The following CHD9 variants were observed in gnomAD, a reference collection of about 807,000 sequenced individuals.
CHD9 encodes the protein chromodomain helicase DNA binding protein 9, also known as ATP-dependent chromatin remodeler CHD9.
A neutral mutation model predicts 316.1 loss-of-function variants in CHD9; 77 were observed. The observed-to-expected ratio is 0.24, with a 90% CI of 0.20 to 0.29. CHD9 has a LOEUF of 0.29. Among genes scored for constraint, CHD9 ranks in the 10% least tolerant of loss-of-function variants. CHD9 has a pLI of 1.00. For missense variants in CHD9, 2,763 were observed against 3,438.1 expected, an observed-to-expected ratio of 0.80 and a Z score of 4.91; for synonymous variants, 1,129 against 1,158.3, an observed-to-expected ratio of 0.97 and a Z score of 0.51.
chr16:53,270,296 T>A (rs540372169), intron 22 of CHD9, among the ~76,000 whole-genome samples: 1 of 151,962 alleles, frequency 6.6e-6, no homozygotes, highest in South Asian at 2.1e-4. Flanking sequence ...AGATCCTGAT[T>A]GAAACAAATA....
intron 20 of CHD9, among the ~76,000 whole-genome samples, chr16:53,265,987 T>G (rs1467207666): frequency 6.6e-6 from 1 of 151,286 alleles, no homozygotes; most frequent in Non-Finnish European, 1.5e-5. Flanking sequence ...TTTTTTTTTT[T>G]AAGGAAACTG....
intron 34 of CHD9, among the ~76,000 whole-genome samples, chr16:53,313,719 G>A (rs868023634): frequency 4.8e-5 from 7 of 146,584 alleles, no homozygotes; most frequent in Admixed American, 2.0e-4. Context: ...CCGAGGCCGA[G>A]GCCGGTGGAT....
intron 2 of CHD9, 149 bp from the exon 3 acceptor site, chr16:53,209,333 G>A (rs1260497524): frequency 1.7e-6 from 1 of 596,994 alleles, no homozygotes; most frequent in Non-Finnish European, 2.9e-6. Flanking sequence ...TTCTTGATAA[G>A]CAAAATGTTT....
At chr16:53,202,396 C>CT (rs536714439) in intron 2 of CHD9, among the ~76,000 whole-genome samples, 4,850 of 144,638 alleles carry the variant, frequency 0.034, 120 homozygotes, top group Non-Finnish European at 0.05. Context: ...CTCTCTCTCT[C>CT]TTTTTTTTTT....
At chr16:53,199,727 C>CTG (rs1329297852) in intron 2 of CHD9, among the ~76,000 whole-genome samples, 1 of 152,148 alleles carries the variant, frequency 6.6e-6, no homozygotes, top group Non-Finnish European at 1.5e-5. Flanking sequence ...TCTTAACCTA[C>CTG]TGTAGTGTGG....
At chr16:53,157,654 T>A in intron 2 of CHD9, 113 bp downstream of exon 2, 1 of 956,534 alleles carries the variant, frequency 1.0e-6, no homozygotes, top group Non-Finnish European at 1.6e-6. Flanking sequence ...GTAATTCCAT[T>A]AAGTGAACAT....
intron 17 of CHD9, 31 bp downstream of exon 17, chr16:53,250,097 C>G: frequency 6.5e-7 from 1 of 1,536,398 alleles, no homozygotes; most frequent in Non-Finnish European, 8.8e-7. Flanking sequence ...ACAAAAAATG[C>G]ATTTTTTAAA....
chr16:53,071,058 A>G (rs1185204591), intron 1 of CHD9, among the ~76,000 whole-genome samples: 1 of 152,168 alleles, frequency 6.6e-6, no homozygotes, highest in Non-Finnish European at 1.5e-5. Context: ...TAGCAATTAC[A>G]TTGACTCTGT....
intron 2 of CHD9, among the ~76,000 whole-genome samples, chr16:53,159,295 A>G (rs372746940): frequency 3.3e-5 from 5 of 152,156 alleles, no homozygotes; most frequent in East Asian, 1.9e-4. Context: ...GAAAATTTGT[A>G]TATGAAAAAA....
At chr16:53,256,381 CTTT>C (rs1163977563) in intron 19 of CHD9, among the ~76,000 whole-genome samples, 2 of 99,258 alleles carry the variant, frequency 2.0e-5, no homozygotes, top group Non-Finnish European at 2.0e-5. Context: ...TTTTTCTTTT[CTTT>C]TTTTTTTTTT....
intron 2 of CHD9, among the ~76,000 whole-genome samples, chr16:53,201,919 G>A (rs1597404667): frequency 6.6e-6 from 1 of 151,820 alleles, no homozygotes; most frequent in Admixed American, 6.6e-5. Context: ...GAGTACAGGG[G>A]CTAATCATAG....
At position 53,245,280 on chromosome 16, in the gene CHD9, T is replaced by A; in HGVS notation, c.3055-56T>A. 1.5e-6 allele frequency: 2 copies of A among 1,355,898 alleles called. No homozygotes were observed. Among genetic ancestry groups the A allele is most frequent in the Non-Finnish European group, 1.9e-6 (2 of 1,026,226 alleles). 84.0% of individuals were successfully genotyped at this position (1,355,898 alleles called of 1,614,324 possible). On this transcript the variant is annotated intron_variant, in intron 13 of 38. Coordinates refer to ENST00000447540, the MANE Select transcript of CHD9 (RefSeq NM_001308319.2). The surrounding 1 kb of genome is among the most constrained non-coding windows in gnomAD (Gnocchi z 4.1). ...TGATCATTCGATAATCTAAGTCAGC[T>A]TTCATATAATTTTAGTACTGTGATG...
chr16:53,179,694 C>G (rs1299929919), intron 2 of CHD9, among the ~76,000 whole-genome samples: 1 of 152,018 alleles, frequency 6.6e-6, no homozygotes, highest in Non-Finnish European at 1.5e-5. Flanking sequence ...GTCAGGAATT[C>G]AAGACCAGCC....
At chr16:53,062,974 C>T (rs1312301611) in intron 1 of CHD9, among the ~76,000 whole-genome samples, 1 of 152,066 alleles carries the variant, frequency 6.6e-6, no homozygotes, top group Admixed American at 6.5e-5. Context: ...GAGCCAAGAT[C>T]GCGCCATTGC....
At chr16:53,172,910 T>G (rs1050275485) in intron 2 of CHD9, among the ~76,000 whole-genome samples, 1 of 152,206 alleles carries the variant, frequency 6.6e-6, no homozygotes, top group African/African-American at 2.4e-5. Flanking sequence ...TTGTCAGATA[T>G]CTATTTTGCA....
At chr16:53,081,756 TA>T (rs549685944) in intron 1 of CHD9, among the ~76,000 whole-genome samples, 27 of 127,072 alleles carry the variant, frequency 2.1e-4, no homozygotes, top group South Asian at 1.0e-3. Context: ...CTTGGCTAAT[TA>T]AAAAAAAATT....
chr16:53,144,531 A>AT (rs879522585), intron 1 of CHD9, among the ~76,000 whole-genome samples: 198 of 144,468 alleles, frequency 1.4e-3, no homozygotes, highest in South Asian at 4.2e-3. Flanking sequence ...CTGTCTACAA[A>AT]TTTTTTTTTT....
At chr16:53,220,494 G>A (rs1441967898) in intron 3 of CHD9, among the ~76,000 whole-genome samples, 1 of 152,024 alleles carries the variant, frequency 6.6e-6, no homozygotes, top group East Asian at 1.9e-4. Context: ...TCTCTCCCCT[G>A]AATTGTCATT....
At chr16:53,180,833 G>A (rs1474942000) in intron 2 of CHD9, among the ~76,000 whole-genome samples, 1 of 151,392 alleles carries the variant, frequency 6.6e-6, no homozygotes, top group Admixed American at 6.6e-5. Context: ...CCGCCACCAC[G>A]CCCGGCTAAT....
Sources: gnomAD v4.1 joint callset for allele counts (sites outside exome capture counted in the v4.1 genomes callset) on GRCh38, gnomAD v4.1.1 for gene constraint, Gnocchi (gnomAD v3.1) non-coding constraint, MANE v1.5 for transcripts, NCBI Gene and HGNC (gene_info 2026-07-23, HGNC 2026-07-21) for gene names.